The following TMPO variants were observed in gnomAD, a reference collection of about 807,000 sequenced individuals.
TMPO encodes LEM domain containing 4.
A neutral mutation model predicts 45.4 loss-of-function variants in TMPO; 22 were observed. The observed-to-expected ratio is 0.48, with a 90% CI of 0.35 to 0.69. TMPO has a LOEUF of 0.69. Ranked by LOEUF, TMPO falls within the 30% of genes least tolerant of loss-of-function variation. The pLI, the probability that TMPO is intolerant of heterozygous loss-of-function variation, is 0.01. For missense variants in TMPO, 512 were observed against 548.8 expected, an observed-to-expected ratio of 0.93 and a Z score of 0.67; for synonymous variants, 241 against 204.1, an observed-to-expected ratio of 1.18 and a Z score of -1.54.
intron 3 of TMPO, chr12:98,533,680 G>C (rs772961073): frequency 3.1e-6 from 5 of 1,614,164 alleles, no homozygotes; most frequent in South Asian, 2.2e-5. Context: ...CTTAGGTCTA[G>C]AAGTGGCTAA....
At chr12:98,532,732 T>G (rs1479411442) in intron 3 of TMPO, 2 of 1,592,568 alleles carry the variant, frequency 1.3e-6, no homozygotes, top group African/African-American at 1.3e-5. Context: ...GTCTTTTCCT[T>G]TGACAGCACT....
chr12:98,534,167 A>G, intron 3 of TMPO: 1 of 1,613,960 alleles, frequency 6.2e-7, no homozygotes, highest in South Asian at 1.1e-5. Context: ...GATGAAGTGA[A>G]GATGGCTGCC....
intron 1 of TMPO, among the ~76,000 whole-genome samples, chr12:98,519,008 A>C (rs1299840448): frequency 6.6e-6 from 1 of 151,756 alleles, no homozygotes; most frequent in Middle Eastern, 3.2e-3. Context: ...CCGCCTCCCG[A>C]GTAGCTGGGA....
chr12:98,533,065 T>G (rs1275132628), intron 3 of TMPO: 1 of 1,613,756 alleles, frequency 6.2e-7, no homozygotes, highest in East Asian at 2.2e-5. Context: ...GTTGCAGAAG[T>G]TAGCCTCTGA....
At chr12:98,545,491 G>A (rs762826017) in intron 7 of TMPO, among the ~76,000 whole-genome samples, 9 of 152,240 alleles carry the variant, frequency 5.9e-5, no homozygotes, top group Middle Eastern at 6.8e-3. Flanking sequence ...AAGCTTGAAA[G>A]TACTAACTGC....
intron 2 of TMPO, among the ~76,000 whole-genome samples, chr12:98,530,850 C>T (rs1877139686): frequency 6.6e-6 from 1 of 152,150 alleles, no homozygotes; most frequent in Admixed American, 6.5e-5. Context: ...AGACTTCAGT[C>T]AAAAATAGTC....
intron 2 of TMPO, among the ~76,000 whole-genome samples, chr12:98,528,645 C>T (rs1380779707): frequency 6.6e-6 from 1 of 151,386 alleles, no homozygotes; most frequent in Non-Finnish European, 1.5e-5. Flanking sequence ...GGTAACATAG[C>T]TGGGCAAATT....
Position 98,531,671 on chromosome 12 carries a change from T to G in TMPO, c.407-9T>G. The G allele has an allele frequency of 6.2e-7, 1 of 1,612,152 alleles. No individual in the cohort carries two copies. The highest frequency in any genetic ancestry group is 1.1e-5 in the South Asian group (1 of 90,994). Reference sequence around the variant, plus strand: ...TACAGGTACTAAAGCAAGTTCTGCCTTAATCCAGGAACAACCAGGAAGCTA... The same window carrying G: ...TACAGGTACTAAAGCAAGTTCTGCCGTAATCCAGGAACAACCAGGAAGCTA... On this transcript the variant is annotated splice_polypyrimidine_tract_variant and intron_variant, in intron 2 of 8. Coordinates refer to ENST00000556029, the MANE Select transcript of TMPO (RefSeq NM_001032283.3).
intron 1 of TMPO, among the ~76,000 whole-genome samples, chr12:98,523,070 A>T (rs1431074896): frequency 1.3e-5 from 2 of 152,028 alleles, no homozygotes; most frequent in Non-Finnish European, 2.9e-5. Flanking sequence ...TTTGAGTGAA[A>T]CTCTTAAGTG....
chr12:98,544,538 G>A lies in TMPO; in HGVS notation c.879+1G>A, dbSNP rs1878106883. 1.2e-6 allele frequency: 2 copies of A among 1,605,936 alleles called. No individual in the cohort carries two copies. Among genetic ancestry groups the A allele is most frequent in the African/African-American group, 1.3e-5 (1 of 74,784 alleles). On this transcript the variant is annotated splice_donor_variant, in intron 6 of 8. Transcript: ENST00000556029. LOFTEE classifies it high-confidence loss of function. Reference sequence around the variant, plus strand: ...AATGGCTTCAAGCAACGAATCCTTAGTAAATATGTTTCATAAACTATACAA... The same window carrying A: ...AATGGCTTCAAGCAACGAATCCTTAATAAATATGTTTCATAAACTATACAA...
At position 98,548,069 on chromosome 12, in the gene TMPO, A is replaced by G. The variant is rs192775311; in HGVS notation, c.*211A>G. ...GACTAGTAGGAGATCACTTTGTGCCATATGAATAATCTTTTTTAGCTCTGG... is the reference window on the plus strand; with the variant it reads ...GACTAGTAGGAGATCACTTTGTGCCGTATGAATAATCTTTTTTAGCTCTGG... On this transcript the variant is annotated 3_prime_UTR_variant, in exon 9 of 9. Transcript: ENST00000556029. 6.3e-5 allele frequency: 32 copies of G among 505,302 alleles called. No homozygotes were observed. Among genetic ancestry groups the G allele is most frequent in the Admixed American group, 1.5e-4 (4 of 25,918 alleles). The allele number at this position is 505,302 out of a possible 1,614,324, so 31.3% of individuals were successfully genotyped here. A position where few individuals can be genotyped will look rare whatever the true frequency, so the allele number is the denominator to read the frequency against.
At chr12:98,533,515 A>G in intron 3 of TMPO, 2 of 1,614,098 alleles carry the variant, frequency 1.2e-6, no homozygotes, top group East Asian at 2.2e-5. Flanking sequence ...GTTTCAAGAA[A>G]CTGAATTCCT....
chr12:98,533,187 T>C, intron 3 of TMPO: 1 of 1,614,106 alleles, frequency 6.2e-7, no homozygotes, highest in South Asian at 1.1e-5. Flanking sequence ...CTGCAGCTTC[T>C]CCTTCACTGA....
At position 98,548,607 on chromosome 12, in the gene TMPO, G is replaced by A. The variant is rs1878358703; in HGVS notation, c.*749G>A. ...TTTAGCTAGCTATAAGGCTATAATTGGAAATTTGTATTTTTTATTTACAGC... is the reference window on the plus strand; with the variant it reads ...TTTAGCTAGCTATAAGGCTATAATTAGAAATTTGTATTTTTTATTTACAGC... On this transcript the variant is annotated 3_prime_UTR_variant, in exon 9 of 9. Transcript: ENST00000556029. The A allele has an allele frequency of 6.6e-6, 1 of 152,150 alleles. No individual in the cohort carries two copies. Among genetic ancestry groups the A allele is most frequent in the Non-Finnish European group, 1.5e-5 (1 of 68,030 alleles). 9.4% of individuals were successfully genotyped at this position (152,150 alleles called of 1,614,324 possible).
At chr12:98,543,845 T>A (rs190307742) in intron 4 of TMPO, among the ~76,000 whole-genome samples, 3 of 152,320 alleles carry the variant, frequency 2.0e-5, no homozygotes, top group Non-Finnish European at 4.4e-5. Context: ...GGAAACTGAC[T>A]TATAATAGAT....
rs975603708 is a variant in TMPO, at chr12:98,547,591, A to C, written c.1098A>C (p.Pro366=). The change falls in exon 9 of 9, where the codon CCA becomes CCC. Residue 366 remains proline, a synonymous_variant. Transcript: ENST00000556029. ...PTGISASCRR[P]IKGAAGRPLE... is the part of the protein sequence containing the mutation. ...CCAACAGTGCTAGTTGCCGCAGACC[A>C]ATCAAAGGGGCTGCAGGCCGGCCAT... 1 of 1,614,128 alleles carries C rather than the reference A, an allele frequency of 6.2e-7. No individual in the cohort carries two copies. The highest frequency in any genetic ancestry group is 8.5e-7 in the Non-Finnish European group (1 of 1,180,010).
chr12:98,519,158 A>G (rs1365980748), intron 1 of TMPO, among the ~76,000 whole-genome samples: 1 of 152,190 alleles, frequency 6.6e-6, no homozygotes, highest in Admixed American at 6.5e-5. Flanking sequence ...CTGGGATTAC[A>G]GGCGTGAGCC....
chr12:98,523,196 T>G (rs1260203768), intron 1 of TMPO, among the ~76,000 whole-genome samples: 1 of 152,220 alleles, frequency 6.6e-6, no homozygotes, highest in African/African-American at 2.4e-5. Flanking sequence ...TTTTTTATCC[T>G]TATTAAATCT....
chr12:98,523,578 C>G (rs1305188199), intron 1 of TMPO, among the ~76,000 whole-genome samples: 1 of 151,386 alleles, frequency 6.6e-6, no homozygotes, highest in Middle Eastern at 3.2e-3. Context: ...TTTAATTTAT[C>G]TGACTTACCT....
Sources: allele counts gnomAD v4.1 joint callset (sites outside exome capture counted in the v4.1 genomes callset), GRCh38; gene constraint gnomAD v4.1.1; transcripts MANE v1.5; gene names NCBI Gene and HGNC (gene_info 2026-07-23, HGNC 2026-07-21).